Variants in HS3ST2 observed in about 807,000 individuals in gnomAD.
The protein encoded by HS3ST2 is heparan sulfate glucosamine 3-O-sulfotransferase 2.
HS3ST2 carries 17 observed loss-of-function variants against 26.3 expected under a neutral mutation model. The ratio of observed to expected loss-of-function variants is 0.65; its 90% CI spans 0.44 to 0.97. The LOEUF (loss-of-function observed/expected upper bound fraction) is 0.97. HS3ST2 is among the 50% of genes least tolerant of loss of function. HS3ST2 has a pLI of 0.00. For synonymous variants in HS3ST2, 237 were observed against 219.2 expected, an observed-to-expected ratio of 1.08 and a Z score of -0.72; for missense variants, 402 against 501.2, an observed-to-expected ratio of 0.80 and a Z score of 1.89.
intron 1 of HS3ST2, among the ~76,000 whole-genome samples, chr16:22,867,721 C>T (rs549617736): frequency 2.0e-5 from 3 of 152,286 alleles, no homozygotes; most frequent in African/African-American, 7.2e-5. Flanking sequence ...TTGTGAGTGT[C>T]ATTTGGTACA....
At chr16:22,852,118 C>A (rs1270275700) in intron 1 of HS3ST2, among the ~76,000 whole-genome samples, 2 of 152,146 alleles carry the variant, frequency 1.3e-5, no homozygotes, top group Non-Finnish European at 2.9e-5. Flanking sequence ...ATTATCACAA[C>A]TAGGAGAAGG....
intron 1 of HS3ST2, among the ~76,000 whole-genome samples, chr16:22,836,459 A>C (rs531623723): frequency 6.6e-6 from 1 of 152,328 alleles, no homozygotes; most frequent in Admixed American, 6.5e-5. Flanking sequence ...CTGATGCTGC[A>C]CTTAAGTCTT....
At chr16:22,815,901 C>T (rs1900859976) in intron 1 of HS3ST2, among the ~76,000 whole-genome samples, 1 of 152,206 alleles carries the variant, frequency 6.6e-6, no homozygotes, top group African/African-American at 2.4e-5. Flanking sequence ...GCTTCTAAAC[C>T]AGCAGCCAAA....
At chr16:22,886,752 G>A (rs1374575133) in intron 1 of HS3ST2, among the ~76,000 whole-genome samples, 3 of 151,734 alleles carry the variant, frequency 2.0e-5, no homozygotes, top group Non-Finnish European at 4.4e-5. Flanking sequence ...CTGTGGCATC[G>A]ATTCCACTTC....
intron 1 of HS3ST2, among the ~76,000 whole-genome samples, chr16:22,844,198 C>G (rs573803064): frequency 1.2e-4 from 18 of 152,122 alleles, no homozygotes; most frequent in Non-Finnish European, 2.2e-4. Context: ...GGTGTGGAAG[C>G]CTTTGAGTGG....
At chr16:22,877,839 C>G (rs896894322) in intron 1 of HS3ST2, among the ~76,000 whole-genome samples, 4 of 152,126 alleles carry the variant, frequency 2.6e-5, no homozygotes, top group East Asian at 1.9e-4. Context: ...ATGAGTGCAA[C>G]AATACGGGTA....
chr16:22,827,016 G>C (rs759962783), intron 1 of HS3ST2, among the ~76,000 whole-genome samples: 7 of 152,310 alleles, frequency 4.6e-5, no homozygotes, highest in Non-Finnish European at 5.9e-5. Context: ...AAGAATACTT[G>C]GTCTGGGAGG....
At chr16:22,860,601 A>G (rs1020375911) in intron 1 of HS3ST2, among the ~76,000 whole-genome samples, 7 of 152,200 alleles carry the variant, frequency 4.6e-5, no homozygotes, top group South Asian at 2.1e-4. Flanking sequence ...AGGAATTGCC[A>G]TCTATTTTGT....
chr16:22,849,260 G>A (rs992055155), intron 1 of HS3ST2, among the ~76,000 whole-genome samples: 1 of 152,100 alleles, frequency 6.6e-6, no homozygotes, highest in Admixed American at 6.5e-5. Flanking sequence ...GGATCTCACA[G>A]ATGTATGTAC....
intron 1 of HS3ST2, among the ~76,000 whole-genome samples, chr16:22,866,315 G>A (rs779471051): frequency 1.2e-4 from 18 of 146,042 alleles, no homozygotes; most frequent in Admixed American, 4.0e-4. Context: ...GCGCAAGCAC[G>A]TGCGCGCGCG....
chr16:22,885,613 G>A (rs1460292889), intron 1 of HS3ST2, among the ~76,000 whole-genome samples: 1 of 151,778 alleles, frequency 6.6e-6, no homozygotes, highest in Non-Finnish European at 1.5e-5. Flanking sequence ...GCGCCACCAC[G>A]CCCGGGTAAT....
chr16:22,906,083 C>T (rs1567501286), intron 1 of HS3ST2, among the ~76,000 whole-genome samples: 2 of 152,080 alleles, frequency 1.3e-5, no homozygotes, highest in African/African-American at 4.8e-5. Context: ...TTTAAAATTG[C>T]AGGTACCAGC....
intron 1 of HS3ST2, among the ~76,000 whole-genome samples, chr16:22,847,389 C>T (rs1218649238): frequency 3.3e-5 from 5 of 152,036 alleles, no homozygotes; most frequent in African/African-American, 1.2e-4. Context: ...ATCTTAAAAG[C>T]ATAGTGCCTA....
intron 1 of HS3ST2, among the ~76,000 whole-genome samples, chr16:22,870,413 T>C (rs1241467776): frequency 1.3e-5 from 2 of 152,166 alleles, no homozygotes; most frequent in Non-Finnish European, 2.9e-5. Flanking sequence ...CTTTCCTCTC[T>C]TCTGTCTGTC....
chr16:22,852,004 A>G (rs771993882), intron 1 of HS3ST2, among the ~76,000 whole-genome samples: 16 of 152,208 alleles, frequency 1.1e-4, no homozygotes, highest in Non-Finnish European at 2.2e-4. Context: ...GCTTAGACCC[A>G]AGCCCAGGTG....
chr16:22,828,083 T>C (rs867927901), intron 1 of HS3ST2, among the ~76,000 whole-genome samples: 1 of 152,126 alleles, frequency 6.6e-6, no homozygotes, highest in Non-Finnish European at 1.5e-5. Flanking sequence ...CCAAATATAC[T>C]TCCCAATACT....
At chr16:22,881,665 G>C (rs1402050263) in intron 1 of HS3ST2, among the ~76,000 whole-genome samples, 1 of 152,170 alleles carries the variant, frequency 6.6e-6, no homozygotes, top group Non-Finnish European at 1.5e-5. Context: ...AGGGCAGGAG[G>C]GTACTTGGGG....
chr16:22,834,344 A>C (rs765227095), intron 1 of HS3ST2, among the ~76,000 whole-genome samples: 1 of 152,300 alleles, frequency 6.6e-6, no homozygotes, highest in East Asian at 1.9e-4. Context: ...ACTGCTATTC[A>C]TATCAGTACA....
At chr16:22,820,581 G>T (rs537278781) in intron 1 of HS3ST2, among the ~76,000 whole-genome samples, 1 of 152,244 alleles carries the variant, frequency 6.6e-6, no homozygotes, top group Non-Finnish European at 1.5e-5. Context: ...GGGAAACTCC[G>T]TAAAAAGCCA....
Sources: allele counts gnomAD v4.1 joint callset (sites outside exome capture counted in the v4.1 genomes callset), GRCh38; gene constraint gnomAD v4.1.1; transcripts MANE v1.5; gene names NCBI Gene and HGNC (gene_info 2026-07-23, HGNC 2026-07-21).